The following WWOX variants were observed in gnomAD, a reference collection of about 807,000 sequenced individuals.
WWOX encodes the protein WW domain containing oxidoreductase, also known as WW domain-containing oxidoreductase.
A neutral mutation model predicts 46.2 loss-of-function variants in WWOX; 69 were observed. The observed-to-expected ratio is 1.49, with a 90% CI of 1.23 to 1.82. The LOEUF is 1.82. Ranked by LOEUF, WWOX falls within the 40% of genes most tolerant of loss-of-function variation. The pLI is 0.00. For missense variants in WWOX, 919 were observed against 542.6 expected, an observed-to-expected ratio of 1.69 and a Z score of -6.89; for synonymous variants, 359 against 202.6, an observed-to-expected ratio of 1.77 and a Z score of -6.56.
intron 8 of WWOX, among the ~76,000 whole-genome samples, chr16:79,001,008 C>T (rs915435766): frequency 6.6e-6 from 1 of 152,156 alleles, no homozygotes; most frequent in Admixed American, 6.5e-5. Context: ...AAGAAGAGCT[C>T]AGCGAGTATT....
intron 8 of WWOX, among the ~76,000 whole-genome samples, chr16:78,644,423 G>T (rs780403448): frequency 3.3e-5 from 5 of 151,918 alleles, no homozygotes; most frequent in African/African-American, 1.2e-4. Flanking sequence ...GATATATAGC[G>T]TCAGGGAGCG....
Position 78,406,333 on chromosome 16 carries a change from TA to T in WWOX, c.606-18536del, listed in dbSNP as rs1567553408. Among the ~76,000 whole-genome samples the T allele has an allele frequency of 6.3e-5, 6 of 95,694 alleles. 1 individual carries two copies. Among genetic ancestry groups the T allele is most frequent in the African/African-American group, 5.5e-4 (6 of 10,950 alleles). The allele number at this position is 95,694 out of a possible 152,430, so 62.8% of individuals were successfully genotyped here. ...ATATATATATATATATATATATATATATATATATATATATATATATATTTTA... is the reference window on the plus strand; with the variant it reads ...ATATATATATATATATATATATATATTATATATATATATATATATATTTTA... On this transcript the variant is annotated intron_variant, in intron 6 of 8. Transcript: ENST00000566780.
chr16:78,898,967 G>A (rs1023835845), intron 8 of WWOX: 2 of 151,994 alleles, frequency 1.3e-5, no homozygotes, highest in Non-Finnish European at 2.9e-5. Context: ...CTCATATCCT[G>A]TGATCTTAAA....
At chr16:78,138,831 G>A (rs1239937715) in intron 4 of WWOX, among the ~76,000 whole-genome samples, 1 of 152,186 alleles carries the variant, frequency 6.6e-6, no homozygotes, top group Non-Finnish European at 1.5e-5. Context: ...GGGAGCAAGT[G>A]CTCAAAATGG....
At chr16:78,658,689 C>A (rs1322418449) in intron 8 of WWOX, among the ~76,000 whole-genome samples, 1 of 152,112 alleles carries the variant, frequency 6.6e-6, no homozygotes, top group Non-Finnish European at 1.5e-5. Context: ...GTCTTTGCTC[C>A]CTTTTCCTAT....
At chr16:79,132,237 G>C (rs974295840) in intron 8 of WWOX, among the ~76,000 whole-genome samples, 2 of 151,758 alleles carry the variant, frequency 1.3e-5, no homozygotes, top group Admixed American at 1.3e-4. Context: ...TGGAACTTTA[G>C]TTGACTTTAT....
intron 4 of WWOX, among the ~76,000 whole-genome samples, chr16:78,142,717 G>T (rs890839713): frequency 6.6e-6 from 1 of 152,146 alleles, no homozygotes; most frequent in African/African-American, 2.4e-5. Flanking sequence ...TGTAATGGAG[G>T]TTTACAGTTT....
intron 7 of WWOX, among the ~76,000 whole-genome samples, chr16:78,432,216 T>C (rs1451516277): frequency 6.6e-6 from 1 of 151,956 alleles, no homozygotes; most frequent in African/African-American, 2.4e-5. Context: ...CTCCCATGTT[T>C]CAGTGATTCT....
intron 8 of WWOX, among the ~76,000 whole-genome samples, chr16:79,084,997 C>T (rs1188956478): frequency 6.6e-6 from 1 of 150,982 alleles, no homozygotes; most frequent in East Asian, 2.0e-4. Flanking sequence ...ACAATTATAG[C>T]TCACCACAGC....
intron 6 of WWOX, among the ~76,000 whole-genome samples, chr16:78,389,452 G>C (rs1423762777): frequency 1.3e-5 from 2 of 152,120 alleles, no homozygotes; most frequent in Non-Finnish European, 2.9e-5. Flanking sequence ...AAACTCATCT[G>C]TCTGTGGTTG....
chr16:78,697,072 C>T (rs1025062652), intron 8 of WWOX, among the ~76,000 whole-genome samples: 1 of 152,082 alleles, frequency 6.6e-6, no homozygotes, highest in Non-Finnish European at 1.5e-5. Flanking sequence ...GGTAGATGGC[C>T]ATTTGGGCTA....
At chr16:78,843,825 A>G (rs2052226271) in intron 8 of WWOX, among the ~76,000 whole-genome samples, 1 of 152,190 alleles carries the variant, frequency 6.6e-6, no homozygotes, top group Non-Finnish European at 1.5e-5. Context: ...AACCTTCAGC[A>G]CAATCCCTAT....
At chr16:78,479,882 A>G (rs1337931193) in intron 8 of WWOX, among the ~76,000 whole-genome samples, 2 of 152,056 alleles carry the variant, frequency 1.3e-5, no homozygotes, top group Non-Finnish European at 2.9e-5. Flanking sequence ...GCGGGGCTGC[A>G]TTGTTCACTG....
intron 5 of WWOX, among the ~76,000 whole-genome samples, chr16:78,226,143 C>G (rs570341701): frequency 6.6e-6 from 1 of 152,080 alleles, no homozygotes. Context: ...TGGAATGAAC[C>G]GCTAGAGATG....
chr16:79,112,223 G>C (rs1470895420), intron 8 of WWOX, among the ~76,000 whole-genome samples: 1 of 151,912 alleles, frequency 6.6e-6, no homozygotes, highest in Non-Finnish European at 1.5e-5. Flanking sequence ...CAGACTCTTG[G>C]TTTGTGTCTA....
intron 8 of WWOX, among the ~76,000 whole-genome samples, chr16:78,817,085 C>T (rs865845750): frequency 4.6e-5 from 7 of 151,616 alleles, no homozygotes; most frequent in Non-Finnish European, 7.4e-5. Context: ...CTTCCCCTAA[C>T]CCTCTGTAAT....
chr16:78,365,243 T>A (rs4888787), intron 5 of WWOX, among the ~76,000 whole-genome samples: 1 of 152,008 alleles, frequency 6.6e-6, no homozygotes, highest in African/African-American at 2.4e-5. Flanking sequence ...CTTCTGACAT[T>A]ATCAGTGTGA....
At chr16:78,837,793 T>A (rs1194994429) in intron 8 of WWOX, among the ~76,000 whole-genome samples, 1 of 152,216 alleles carries the variant, frequency 6.6e-6, no homozygotes, top group African/African-American at 2.4e-5. Context: ...GATTTGGGCA[T>A]GGTGTTAGGA....
At chr16:78,939,581 G>T (rs977907947) in intron 8 of WWOX, among the ~76,000 whole-genome samples, 1 of 152,148 alleles carries the variant, frequency 6.6e-6, no homozygotes, top group African/African-American at 2.4e-5. Context: ...TTTTGTATAT[G>T]GCTACTGAAA....
Sources: allele counts gnomAD v4.1 joint callset (sites outside exome capture counted in the v4.1 genomes callset), GRCh38; gene constraint gnomAD v4.1.1; transcripts MANE v1.5; gene names NCBI Gene and HGNC (gene_info 2026-07-23, HGNC 2026-07-21).